The following RBFOX1 variants were observed in gnomAD, a reference collection of about 807,000 sequenced individuals.
The protein encoded by RBFOX1 is RNA binding protein fox-1 homolog 1.
Under a neutral mutation model 57.7 loss-of-function variants are expected in RBFOX1, and 8 were observed. That is an observed-to-expected ratio of 0.14 (90% CI 0.08 to 0.25). The LOEUF is 0.25. Among genes scored for constraint, RBFOX1 ranks in the 10% least tolerant of loss-of-function variants. The pLI, the probability that RBFOX1 is intolerant of heterozygous loss-of-function variation, is 1.00. For missense variants in RBFOX1, 611 were observed against 548.5 expected (o/e 1.11, Z -1.14); for synonymous variants, 326 against 222.4 (o/e 1.47, Z -4.15).
intron 1 of RBFOX1, among the ~76,000 whole-genome samples, chr16:6,189,326 T>C (rs1214121731): frequency 6.6e-6 from 1 of 152,196 alleles, no homozygotes; most frequent in African/African-American, 2.4e-5. Flanking sequence ...CTGAGTGCCA[T>C]TCCCGGAGTG....
chr16:5,532,179 A>T (rs920864579), intron 2 of RBFOX1, among the ~76,000 whole-genome samples: 1 of 152,144 alleles, frequency 6.6e-6, no homozygotes, highest in Non-Finnish European at 1.5e-5. Flanking sequence ...ATTCTTGGTC[A>T]TGGTTGGGGT....
chr16:5,529,216 C>G (rs1242616728), intron 2 of RBFOX1, among the ~76,000 whole-genome samples: 1 of 152,040 alleles, frequency 6.6e-6, no homozygotes, highest in Non-Finnish European at 1.5e-5. Context: ...ATTTACCTGC[C>G]TGAGGGTGCG....
At chr16:5,788,608 G>A in intron 3 of RBFOX1, among the ~76,000 whole-genome samples, 1 of 152,162 alleles carries the variant, frequency 6.6e-6, no homozygotes, top group South Asian at 2.1e-4. Flanking sequence ...CAGCCTGGGT[G>A]ACAGAGCGAG....
In RBFOX1 at chr16:7,702,519, A is replaced by G. The variant is rs139729067; in HGVS notation, c.996-6537A>G. Among the ~76,000 whole-genome samples the G allele has an allele frequency of 1.6e-3, 244 of 152,320 alleles. 1 individual carries two copies. Among genetic ancestry groups the G allele is most frequent in the South Asian group, 0.011 (53 of 4,832 alleles). ...GTTGAGTTGGAAAACATAAATGCCC[A>G]TAACAGTTTATGATTGACAACGGAT... is the stretch of plus-strand genomic sequence containing the variant. On this transcript the variant is annotated intron_variant, in intron 14 of 15. Transcript: ENST00000550418.
At chr16:7,338,391 T>C (rs954866893) in intron 4 of RBFOX1, among the ~76,000 whole-genome samples, 6 of 152,158 alleles carry the variant, frequency 3.9e-5, no homozygotes, top group African/African-American at 1.4e-4. Context: ...CTATACTCCA[T>C]GTTTTTATTT....
chr16:5,724,839 T>G (rs2052077845), intron 3 of RBFOX1, among the ~76,000 whole-genome samples: 1 of 152,198 alleles, frequency 6.6e-6, no homozygotes, highest in Non-Finnish European at 1.5e-5. Flanking sequence ...TATCCCCGCC[T>G]TCCTGGAAAA....
At chr16:7,565,518 G>A (rs1317405001) in intron 5 of RBFOX1, among the ~76,000 whole-genome samples, 1 of 152,142 alleles carries the variant, frequency 6.6e-6, no homozygotes, top group Non-Finnish European at 1.5e-5. Context: ...GGGGACCGTG[G>A]ACCCTGTAAA....
chr16:5,392,527 A>AT (rs1256463029), intron 1 of RBFOX1, among the ~76,000 whole-genome samples: 37 of 149,946 alleles, frequency 2.5e-4, no homozygotes, highest in African/African-American at 6.9e-4. Flanking sequence ...ATATATATAT[A>AT]TATTTTTTTT....
At chr16:7,375,613 G>A (rs1326983922) in intron 4 of RBFOX1, among the ~76,000 whole-genome samples, 1 of 151,744 alleles carries the variant, frequency 6.6e-6, no homozygotes, top group African/African-American at 2.4e-5. Flanking sequence ...CTTCCCAAAA[G>A]GTAGATAAGG....
chr16:5,472,081 C>A (rs546085231), intron 2 of RBFOX1, among the ~76,000 whole-genome samples: 95 of 152,274 alleles, frequency 6.2e-4, no homozygotes, highest in African/African-American at 2.2e-3. Context: ...GCTCTTTTCT[C>A]ATGTCTCTGT....
At chr16:7,146,577 A>T (rs990017602) in intron 4 of RBFOX1, among the ~76,000 whole-genome samples, 70 of 152,302 alleles carry the variant, frequency 4.6e-4, no homozygotes, top group African/African-American at 1.6e-3. Context: ...TCATTGAAAC[A>T]AAGCAAGAAG....
intron 4 of RBFOX1, among the ~76,000 whole-genome samples, chr16:5,924,063 C>T (rs1263025822): frequency 1.3e-5 from 2 of 152,098 alleles, no homozygotes; most frequent in East Asian, 3.9e-4. Flanking sequence ...GACTGAATCT[C>T]ATGGTATCTG....
chr16:5,482,141 C>G (rs915401196), intron 2 of RBFOX1, among the ~76,000 whole-genome samples: 10 of 152,164 alleles, frequency 6.6e-5, no homozygotes, highest in Non-Finnish European at 4.4e-5. Flanking sequence ...CCATCATTTA[C>G]TGTGAGAATG....
At chr16:5,755,535 C>T (rs980159716) in intron 3 of RBFOX1, among the ~76,000 whole-genome samples, 2 of 152,202 alleles carry the variant, frequency 1.3e-5, no homozygotes, top group African/African-American at 4.8e-5. Context: ...TGGTTGGTCA[C>T]AAAAGACGAC....
chr16:6,966,949 A>C (rs533996517), intron 3 of RBFOX1, among the ~76,000 whole-genome samples: 9 of 150,646 alleles, frequency 6.0e-5, no homozygotes, highest in Non-Finnish European at 1.3e-4. Context: ...TGGCCTACCT[A>C]TTATCTATTT....
At chr16:6,354,445 C>T (rs1304103134) in intron 2 of RBFOX1, among the ~76,000 whole-genome samples, 2 of 152,202 alleles carry the variant, frequency 1.3e-5, no homozygotes, top group East Asian at 1.9e-4. Flanking sequence ...CACACAGCAG[C>T]GAAACCAGTG....
intron 2 of RBFOX1, chr16:6,483,842 T>G (rs2095415815): frequency 1.6e-6 from 2 of 1,220,714 alleles, no homozygotes; most frequent in East Asian, 3.6e-5. Flanking sequence ...GACTTGGCCG[T>G]GGATGGAATC....
chr16:5,320,426 AAAAGCTCAGAATAG>A (rs1350790232), intron 1 of RBFOX1, among the ~76,000 whole-genome samples: 3 of 152,220 alleles, frequency 2.0e-5, no homozygotes, highest in Non-Finnish European at 4.4e-5. Context: ...TGGAGTTTAC[AAAAGCTCAGAATAG>A]AAAACAGTAA....
intron 1 of RBFOX1, among the ~76,000 whole-genome samples, chr16:5,385,697 T>C (rs1451518806): frequency 6.6e-6 from 1 of 152,222 alleles, no homozygotes; most frequent in Non-Finnish European, 1.5e-5. Flanking sequence ...CCCTGAATTT[T>C]GTAGCCTCTG....
Sources: gnomAD v4.1 joint callset for allele counts (sites outside exome capture counted in the v4.1 genomes callset) on GRCh38, gnomAD v4.1.1 for gene constraint, MANE v1.5 for transcripts, NCBI Gene and HGNC (gene_info 2026-07-23, HGNC 2026-07-21) for gene names.